REEP3: variants seen among roughly 807,000 people sequenced by gnomAD.
REEP3 encodes receptor expression-enhancing protein 3.
A neutral mutation model predicts 41.3 loss-of-function variants in REEP3; 20 were observed. The ratio of observed to expected loss-of-function variants is 0.48; its 90% CI spans 0.34 to 0.70. The LOEUF is 0.70. REEP3 is among the 30% of genes least tolerant of loss of function. The probability of loss-of-function intolerance (pLI) is 0.01; values close to 1 mark genes in which losing one functional copy is unlikely to be tolerated. For missense variants in REEP3, 271 were observed against 308.8 expected (o/e 0.88, Z 0.92); for synonymous variants, 104 against 101.8 (o/e 1.02, Z -0.13).
chr10:63,559,286 G>A (rs1037429488), intron 1 of REEP3, among the ~76,000 whole-genome samples: 1 of 152,044 alleles, frequency 6.6e-6, no homozygotes, highest in African/African-American at 2.4e-5. Context: ...CTCCATTTTA[G>A]TAGTGATTTA....
At position 63,592,268 on chromosome 10, in the gene REEP3, C is replaced by T. The variant is rs139501837; in HGVS notation, c.106-2510C>T. Among the ~76,000 whole-genome samples the T allele has an allele frequency of 6.6e-3, 999 of 152,260 alleles. 5 individuals are homozygous for T. The highest frequency in any genetic ancestry group is 0.012 in the Non-Finnish European group (801 of 68,022). On this transcript the variant is annotated intron_variant, in intron 2 of 7. Transcript: ENST00000373758. Reference sequence around the variant, plus strand: ...TTCCTAGTGCAGTGATCTTGAGCAACTTATTGATTTTGGCCCTTTGTAAAA... The same window carrying T: ...TTCCTAGTGCAGTGATCTTGAGCAATTTATTGATTTTGGCCCTTTGTAAAA...
intron 2 of REEP3, among the ~76,000 whole-genome samples, chr10:63,567,122 A>G (rs189313057): frequency 6.6e-6 from 1 of 152,328 alleles, no homozygotes; most frequent in African/African-American, 2.4e-5. Flanking sequence ...GCAAAAGCAT[A>G]TTGTATTGGT....
At chr10:63,572,365 T>C (rs1388078399) in intron 2 of REEP3, among the ~76,000 whole-genome samples, 1 of 152,108 alleles carries the variant, frequency 6.6e-6, no homozygotes, top group East Asian at 1.9e-4. Context: ...GTAGGTTTGT[T>C]ACATAGATAT....
At chr10:63,527,957 T>G (rs200079294) in intron 1 of REEP3, among the ~76,000 whole-genome samples, 1 of 149,332 alleles carries the variant, frequency 6.7e-6, no homozygotes, top group South Asian at 2.1e-4. Flanking sequence ...TTTTTTGTTT[T>G]TTTTTTTTTT....
At chr10:63,558,299 A>G (rs554014812) in intron 1 of REEP3, among the ~76,000 whole-genome samples, 37 of 152,324 alleles carry the variant, frequency 2.4e-4, no homozygotes, top group Middle Eastern at 3.4e-3. Flanking sequence ...TGTTGACAAG[A>G]ATTCTGAGAC....
chr10:63,585,620 T>A (rs1300539510), intron 2 of REEP3, among the ~76,000 whole-genome samples: 1 of 152,194 alleles, frequency 6.6e-6, no homozygotes, highest in East Asian at 1.9e-4. Context: ...CCCTAAGTAA[T>A]GTTTATCAAA....
intron 1 of REEP3, among the ~76,000 whole-genome samples, chr10:63,563,531 A>G (rs1441126792): frequency 6.6e-6 from 1 of 152,128 alleles, no homozygotes; most frequent in Non-Finnish European, 1.5e-5. Context: ...TATATATACT[A>G]TATTTTTTTA....
chr10:63,598,803 G>A (rs1022342398), intron 4 of REEP3, among the ~76,000 whole-genome samples: 2 of 142,572 alleles, frequency 1.4e-5, no homozygotes, highest in Non-Finnish European at 3.1e-5. Flanking sequence ...AAAAAAAGAA[G>A]CGCCTGGGCT....
At chr10:63,582,288 T>C (rs1288659462) in intron 2 of REEP3, among the ~76,000 whole-genome samples, 1 of 152,222 alleles carries the variant, frequency 6.6e-6, no homozygotes. Context: ...TGGTTACATA[T>C]CAAAACCACT....
At chr10:63,565,521 T>C (rs1291367243) in intron 1 of REEP3, among the ~76,000 whole-genome samples, 1 of 152,230 alleles carries the variant, frequency 6.6e-6, no homozygotes, top group African/African-American at 2.4e-5. Flanking sequence ...ATGCATATTA[T>C]AGTTAATGTA....
chr10:63,535,546 A>G (rs1015269573), intron 1 of REEP3, among the ~76,000 whole-genome samples: 16 of 152,174 alleles, frequency 1.1e-4, no homozygotes, highest in African/African-American at 3.9e-4. Flanking sequence ...CAAGAAGACA[A>G]CTGTGAAGAA....
intron 2 of REEP3, among the ~76,000 whole-genome samples, chr10:63,594,026 A>G (rs1266447670): frequency 6.6e-6 from 1 of 152,126 alleles, no homozygotes. Context: ...AGGAATATAA[A>G]ATTTTAAAGA....
Position 63,589,785 on chromosome 10 carries a change from C to CTT in REEP3, c.106-4968_106-4967dup, listed in dbSNP as rs59658061. Among the ~76,000 whole-genome samples the CTT allele has an allele frequency of 4.0e-3, 322 of 80,808 alleles. 39 individuals are homozygous for CTT. The highest frequency in any genetic ancestry group is 5.9e-3 in the Non-Finnish European group (256 of 43,470). The allele number at this position is 80,808 out of a possible 152,430, so 53.0% of individuals were successfully genotyped here. A position where few individuals can be genotyped will look rare whatever the true frequency, so the allele number is the denominator to read the frequency against. Reference sequence around the variant, plus strand: ...TAATGTACTAAGAACAGCAGAACATCTTTTTTTTTTTTTTTTTTTTTTTTT... The same window carrying CTT: ...TAATGTACTAAGAACAGCAGAACATCTTTTTTTTTTTTTTTTTTTTTTTTTTT... On this transcript the variant is annotated intron_variant, in intron 2 of 7. Coordinates refer to ENST00000373758, the MANE Select transcript of REEP3 (RefSeq NM_001001330.3).
intron 6 of REEP3, among the ~76,000 whole-genome samples, chr10:63,614,171 C>G (rs896749429): frequency 2.6e-5 from 4 of 152,020 alleles, no homozygotes; most frequent in Non-Finnish European, 5.9e-5. Context: ...TTCTCAACCT[C>G]AGATAATCAA....
At chr10:63,572,285 A>C (rs1450119671) in intron 2 of REEP3, among the ~76,000 whole-genome samples, 1 of 150,400 alleles carries the variant, frequency 6.6e-6, no homozygotes, top group African/African-American at 2.5e-5. Flanking sequence ...TCCTAAACTT[A>C]GCCATCTAAT....
chr10:63,580,843 C>T (rs1234363029), intron 2 of REEP3, among the ~76,000 whole-genome samples: 1 of 151,882 alleles, frequency 6.6e-6, no homozygotes, highest in Non-Finnish European at 1.5e-5. Context: ...CAAGACCCTA[C>T]CTCTACAAAA....
intron 1 of REEP3, among the ~76,000 whole-genome samples, chr10:63,560,410 T>C (rs377434645): frequency 4.6e-5 from 7 of 152,192 alleles, no homozygotes; most frequent in African/African-American, 1.7e-4. Flanking sequence ...ATGAATTGTG[T>C]CTGAATATCT....
intron 2 of REEP3, among the ~76,000 whole-genome samples, chr10:63,567,381 G>C (rs185311156): frequency 6.6e-6 from 1 of 152,212 alleles, no homozygotes; most frequent in East Asian, 1.9e-4. Context: ...CCTGCTGTCT[G>C]TATGTATTTA....
chr10:63,531,757 G>C, intron 1 of REEP3, among the ~76,000 whole-genome samples: 1 of 151,952 alleles, frequency 6.6e-6, no homozygotes, highest in Non-Finnish European at 1.5e-5. Flanking sequence ...CCTGAAAATG[G>C]CTGTGCTATT....
Sources: gnomAD v4.1 joint callset for allele counts (sites outside exome capture counted in the v4.1 genomes callset) on GRCh38, gnomAD v4.1.1 for gene constraint, MANE v1.5 for transcripts, NCBI Gene and HGNC (gene_info 2026-07-23, HGNC 2026-07-21) for gene names.